SMURF2: variants seen among roughly 807,000 people sequenced by gnomAD.
SMURF2 encodes SMAD specific E3 ubiquitin protein ligase 2, also known as E3 ubiquitin-protein ligase SMURF2.
SMURF2 carries 48 observed loss-of-function variants against 109.6 expected under a neutral mutation model. The observed-to-expected ratio is 0.44, with a 90% CI of 0.35 to 0.56. SMURF2 has a LOEUF of 0.56. Among genes scored for constraint, SMURF2 ranks in the 20% least tolerant of loss-of-function variants. SMURF2 has a pLI of 0.01. For missense variants in SMURF2, 575 were observed against 909.0 expected, an observed-to-expected ratio of 0.63 and a Z score of 4.72; for synonymous variants, 288 against 317.1, an observed-to-expected ratio of 0.91 and a Z score of 0.97.
chr17:64,625,439 G>A (rs1425439622), intron 1 of SMURF2, among the ~76,000 whole-genome samples: 5 of 152,090 alleles, frequency 3.3e-5, no homozygotes, highest in African/African-American at 4.8e-5. Context: ...TAACAAAAAT[G>A]ACATGTGTTC....
Position 64,546,286 on chromosome 17 carries a change from G to C in SMURF2, c.2124C>G (p.Asn708Lys). ...FTIHQIDACT[N>K]NLPKAHTCFN... ...ACCAAGTGTGGGCTTTCGGCAGGTT[G>C]TTAGTGCAGGCATCAATCTGGTGTA... Residue 708 changes from asparagine to lysine, a missense_variant, in exon 18 of 19, where the codon AAC becomes AAG. Coordinates refer to ENST00000262435, the MANE Select transcript of SMURF2 (RefSeq NM_022739.4). 6.2e-7 allele frequency: 1 copy of C among 1,614,108 alleles called. No individual in the cohort carries two copies. Among genetic ancestry groups the C allele is most frequent in the Non-Finnish European group, 8.5e-7 (1 of 1,179,966 alleles).
intron 1 of SMURF2, among the ~76,000 whole-genome samples, chr17:64,646,919 T>C (rs1356598988): frequency 6.6e-6 from 1 of 152,136 alleles, no homozygotes. Context: ...AGGTAGAAAA[T>C]ATGAAAGATC....
chr17:64,639,564 G>A (rs144046667), intron 1 of SMURF2, among the ~76,000 whole-genome samples: 61 of 152,026 alleles, frequency 4.0e-4, no homozygotes, highest in African/African-American at 1.3e-3. Context: ...GCGACAGAGC[G>A]AGACTCTGAC....
chr17:64,567,524 C>G (rs1239195972), intron 10 of SMURF2, among the ~76,000 whole-genome samples: 1 of 152,192 alleles, frequency 6.6e-6, no homozygotes, highest in Non-Finnish European at 1.5e-5. Context: ...AACTGTTCTA[C>G]TGAAATATTC....
chr17:64,584,165 A>T (rs2144642249), intron 6 of SMURF2, among the ~76,000 whole-genome samples: 1 of 151,628 alleles, frequency 6.6e-6, no homozygotes, highest in East Asian at 2.0e-4. Context: ...TAAAAATACA[A>T]AAATTAGCCG....
chr17:64,583,578 T>G, intron 6 of SMURF2, 34 bp from the exon 7 acceptor site: 1 of 1,557,066 alleles, frequency 6.4e-7, no homozygotes. Context: ...AAGGCATTAA[T>G]AGGAAACTTG....
intron 1 of SMURF2, among the ~76,000 whole-genome samples, chr17:64,637,389 G>A (rs1379408533): frequency 1.3e-5 from 2 of 152,016 alleles, no homozygotes; most frequent in Non-Finnish European, 2.9e-5. Context: ...ACCTCCCAAA[G>A]TGCCAGGATT....
intron 4 of SMURF2, among the ~76,000 whole-genome samples, chr17:64,592,305 C>T (rs8077012): frequency 1.5e-3 from 235 of 152,242 alleles, no homozygotes; most frequent in African/African-American, 5.4e-3. Flanking sequence ...TTTCAGTTTG[C>T]TGAGTAATAA....
Position 64,637,923 on chromosome 17 carries a change from C to CAAAAA in SMURF2, c.52+23901_52+23905dup, listed in dbSNP as rs59701513. ...CATTGAATGGTTTTGGCGCCCTAGT[C>CAAAAA]AAAAAAAAAAAAAAAAAAAATCAAC... On this transcript the variant is annotated intron_variant, in intron 1 of 18. Coordinates refer to ENST00000262435, the MANE Select transcript of SMURF2 (RefSeq NM_022739.4). 2.9e-4 allele frequency among the ~76,000 whole-genome samples: 21 copies of CAAAAA among 72,548 alleles called. 1 individual carries two copies. The highest frequency in any genetic ancestry group is 6.2e-4 in the African/African-American group (15 of 24,300). 47.6% of individuals were successfully genotyped at this position (72,548 alleles called of 152,430 possible).
chr17:64,571,895 T>C lies in SMURF2; in HGVS notation c.919A>G (p.Asn307Asp), dbSNP rs1367135287. 1 of 1,613,868 alleles carries C rather than the reference T, an allele frequency of 6.2e-7. No homozygotes were observed. Among genetic ancestry groups the C allele is most frequent in the Non-Finnish European group, 8.5e-7 (1 of 1,179,924 alleles). ...GPLPPGWEIR[N>D]TATGRVYFVD... Reference sequence around the variant, plus strand: ...AAATAAACTCTGCCTGTTGCCGTATTACGGATCTCCCATCCAGGAGGCAAT... The same window carrying C: ...AAATAAACTCTGCCTGTTGCCGTATCACGGATCTCCCATCCAGGAGGCAAT... Residue 307 changes from asparagine (N) to aspartate (D), a missense_variant, in exon 10 of 19, where the codon AAT (asparagine) becomes GAT (aspartate). This residue lies in a region of SMURF2 where 361 missense variants were observed against 612.1 expected (regional missense o/e 0.59). Coordinates refer to ENST00000262435, the MANE Select transcript of SMURF2 (RefSeq NM_022739.4).
At chr17:64,597,334 G>C (rs1337590171) in intron 3 of SMURF2, among the ~76,000 whole-genome samples, 1 of 152,104 alleles carries the variant, frequency 6.6e-6, no homozygotes, top group Non-Finnish European at 1.5e-5. Context: ...GATCAGTTGA[G>C]TCCAGGAGTT....
chr17:64,603,814 C>T (rs187548123), intron 2 of SMURF2, among the ~76,000 whole-genome samples: 2 of 152,140 alleles, frequency 1.3e-5, no homozygotes, highest in East Asian at 3.9e-4. Context: ...ACAAGGATAG[C>T]GCCCAATAAA....
rs1015869947 is a variant in SMURF2, at chr17:64,547,377, C to T, written c.2071+223G>A. Among the ~76,000 whole-genome samples the T allele has an allele frequency of 6.6e-6, 1 of 152,158 alleles. No homozygotes were observed. Among genetic ancestry groups the T allele is most frequent in the Non-Finnish European group, 1.5e-5 (1 of 68,036 alleles). The stretch of plus-strand genomic sequence containing the variant: ...GGCAGAGCATCACCACGTACGGTCT[C>T]TAGCATGCGGCACTCACTACAATCA... On this transcript the variant is annotated intron_variant, in intron 17 of 18. Coordinates refer to ENST00000262435, the MANE Select transcript of SMURF2 (RefSeq NM_022739.4). This position sits in a 1 kb window ranked among gnomAD's most constrained non-coding sequence, Gnocchi z 4.2.
At chr17:64,557,064 G>C (rs1969131575) in intron 13 of SMURF2, among the ~76,000 whole-genome samples, 1 of 152,138 alleles carries the variant, frequency 6.6e-6, no homozygotes, top group East Asian at 1.9e-4. Flanking sequence ...CAATACATTA[G>C]TAATAACTGC....
At chr17:64,588,107 A>C (rs1555687291) in intron 5 of SMURF2, among the ~76,000 whole-genome samples, 1 of 151,684 alleles carries the variant, frequency 6.6e-6, no homozygotes, top group African/African-American at 2.4e-5. Context: ...AAAAAAAAAA[A>C]AAGATGTTTA....
At chr17:64,655,633 TGAAA>T (rs993443220) in intron 1 of SMURF2, among the ~76,000 whole-genome samples, 20 of 151,526 alleles carry the variant, frequency 1.3e-4, no homozygotes, top group African/African-American at 3.9e-4. Context: ...CCAAAACAAA[TGAAA>T]AGAAATTGGG....
At chr17:64,582,660 G>A (rs1261150933) in intron 7 of SMURF2, among the ~76,000 whole-genome samples, 9 of 152,180 alleles carry the variant, frequency 5.9e-5, no homozygotes, top group Admixed American at 2.6e-4. Flanking sequence ...GTGCAGTGGC[G>A]CAATCTCGGC....
chr17:64,547,608 G>A lies in SMURF2; in HGVS notation c.2063C>T (p.Ala688Val), dbSNP rs1158850450. 1 of 1,612,530 alleles carries A rather than the reference G, an allele frequency of 6.2e-7. No homozygotes were observed. The highest frequency in any genetic ancestry group is 8.5e-7 in the Non-Finnish European group (1 of 1,179,370). Residue 688 changes from alanine to valine, a missense_variant, in exon 17 of 19, where the codon GCA (alanine) becomes GTA (valine). Physicochemically the swap from Ala to Val is moderately conservative, Grantham distance 64. Transcript: ENST00000262435. This position sits in a 1 kb window ranked among gnomAD's most constrained non-coding sequence, Gnocchi z 4.2. ...GCACCTCAGGCTGTTACCTTGCAAT[G>A]CTTTGAAGCCCTGCAGAGGCACTCG... ...SSRVPLQGFK[A>V]LQGAAGPRLF...
chr17:64,556,646 A>C (rs781937434), intron 13 of SMURF2, among the ~76,000 whole-genome samples: 1 of 152,228 alleles, frequency 6.6e-6, no homozygotes, highest in Non-Finnish European at 1.5e-5. Flanking sequence ...TATTGTTACT[A>C]CAGGGGCAGT....
Sources: allele counts gnomAD v4.1 joint callset (sites outside exome capture counted in the v4.1 genomes callset), GRCh38; gene constraint gnomAD v4.1.1; regional missense constraint gnomAD v4.1.1; non-coding constraint Gnocchi (gnomAD v3.1); transcripts MANE v1.5; gene names NCBI Gene and HGNC (gene_info 2026-07-23, HGNC 2026-07-21).